PREP: variants seen among roughly 807,000 people sequenced by gnomAD.
The protein encoded by PREP is prolyl endopeptidase, also known as dJ355L5.1 (prolyl endopeptidase).
PREP carries 29 observed loss-of-function variants against 87.6 expected under a neutral mutation model. The observed-to-expected ratio is 0.33, with a 90% confidence interval of 0.25 to 0.45. The LOEUF is 0.45. PREP is among the 20% of genes least tolerant of loss of function. The pLI, the probability that PREP is intolerant of heterozygous loss-of-function variation, is 1.00. For missense variants in PREP, 695 were observed against 886.5 expected (o/e 0.78, Z 2.74); for synonymous variants, 337 against 328.6 (o/e 1.03, Z -0.28).
chr6:105,306,380 T>G (rs927576349), intron 10 of PREP, among the ~76,000 whole-genome samples: 3 of 152,092 alleles, frequency 2.0e-5, no homozygotes, highest in African/African-American at 7.2e-5. Flanking sequence ...GCATTTCCAG[T>G]AATATTTCTA....
intron 2 of PREP, among the ~76,000 whole-genome samples, chr6:105,382,748 C>G (rs889274935): frequency 1.3e-4 from 20 of 152,294 alleles, no homozygotes; most frequent in African/African-American, 4.8e-4. Flanking sequence ...CATTGGCAGG[C>G]AGGCAAGACG....
intron 10 of PREP, among the ~76,000 whole-genome samples, chr6:105,314,788 C>T (rs892063129): frequency 2.6e-5 from 4 of 152,168 alleles, no homozygotes; most frequent in African/African-American, 9.7e-5. Flanking sequence ...CATAAATGTT[C>T]CTCATGGCAT....
intron 7 of PREP, among the ~76,000 whole-genome samples, chr6:105,349,863 T>C (rs1316231325): frequency 7.1e-6 from 1 of 140,976 alleles, no homozygotes; most frequent in Non-Finnish European, 1.5e-5. Context: ...ATTCTATTTT[T>C]AGTGTAAAGA....
chr6:105,278,816 C>T lies in PREP; in HGVS notation c.1839-378G>A, dbSNP rs568516775. Among the ~76,000 whole-genome samples, 1 of 152,214 alleles carries T rather than the reference C, an allele frequency of 6.6e-6. No homozygotes were observed. Among genetic ancestry groups the T allele is most frequent in the East Asian group, 1.9e-4 (1 of 5,176 alleles). ...CCACACTCAGTGGTTCAAAAAAAGTCCAAGCCTTTCTTTTGTTGAGAAACT... is the reference window on the plus strand; with the variant it reads ...CCACACTCAGTGGTTCAAAAAAAGTTCAAGCCTTTCTTTTGTTGAGAAACT... On this transcript the variant is annotated intron_variant, in intron 14 of 14. Coordinates refer to ENST00000652536, the MANE Select transcript of PREP (RefSeq NM_002726.5). This position sits in a 1 kb window ranked among gnomAD's most constrained non-coding sequence, Gnocchi z 4.2.
intron 2 of PREP, among the ~76,000 whole-genome samples, chr6:105,387,807 G>C (rs1448507605): frequency 6.6e-6 from 1 of 152,136 alleles, no homozygotes; most frequent in East Asian, 1.9e-4. Flanking sequence ...CCTCCTTTCT[G>C]CTCCAATCTC....
At chr6:105,339,545 T>G (rs1391876701) in intron 7 of PREP, among the ~76,000 whole-genome samples, 1 of 151,948 alleles carries the variant, frequency 6.6e-6, no homozygotes, top group Non-Finnish European at 1.5e-5. Flanking sequence ...CTTTGACGAG[T>G]TGAGAGCAGA....
At position 105,394,532 on chromosome 6, in the gene PREP, C is replaced by T. The variant is rs191434259; in HGVS notation, c.120+3321G>A. On this transcript the variant is annotated intron_variant, in intron 2 of 14. Coordinates refer to ENST00000652536, the MANE Select transcript of PREP (RefSeq NM_002726.5). ...GATAGAAGAGAAAATAGAATTATCA[C>T]TAAATTTGATTATATGTTATATGAT... is the stretch of plus-strand genomic sequence containing the variant. Among the ~76,000 whole-genome samples the T allele has an allele frequency of 2.0e-3, 302 of 152,144 alleles. 3 individuals carry two copies. Among genetic ancestry groups the T allele is most frequent in the African/African-American group, 6.8e-3 (284 of 41,508 alleles).
At chr6:105,351,984 T>G (rs1771967894) in intron 7 of PREP, among the ~76,000 whole-genome samples, 1 of 152,222 alleles carries the variant, frequency 6.6e-6, no homozygotes, top group Non-Finnish European at 1.5e-5. Context: ...AATGTTAGGA[T>G]GCAGATCTTG....
intron 2 of PREP, among the ~76,000 whole-genome samples, chr6:105,388,658 A>G (rs1773063418): frequency 6.6e-6 from 1 of 152,244 alleles, no homozygotes; most frequent in Non-Finnish European, 1.5e-5. Flanking sequence ...TAATAAAGCT[A>G]AACATTCCCA....
intron 10 of PREP, among the ~76,000 whole-genome samples, chr6:105,296,708 T>C (rs1770419945): frequency 6.6e-6 from 1 of 152,238 alleles, no homozygotes; most frequent in South Asian, 2.1e-4. Context: ...TCAATCCCTA[T>C]ATGGCAACTG....
At chr6:105,328,423 A>G (rs1287370307) in intron 9 of PREP, among the ~76,000 whole-genome samples, 2 of 151,914 alleles carry the variant, frequency 1.3e-5, no homozygotes, top group South Asian at 2.1e-4. Flanking sequence ...ATGCCCAGCT[A>G]ATTTTTGTAT....
At chr6:105,394,555 GA>G (rs1469542309) in intron 2 of PREP, among the ~76,000 whole-genome samples, 1 of 152,176 alleles carries the variant, frequency 6.6e-6, no homozygotes, top group East Asian at 1.9e-4. Context: ...TATGTTATAT[GA>G]TTATGTATCT....
intron 2 of PREP, among the ~76,000 whole-genome samples, chr6:105,383,971 G>A (rs542502461): frequency 6.6e-6 from 1 of 152,140 alleles, no homozygotes; most frequent in Admixed American, 6.5e-5. Flanking sequence ...GTATCAATGA[G>A]GAAATCCAAA....
chr6:105,380,338 A>AGGCCAGAC lies in PREP; in HGVS notation c.121-2827_121-2820dup, dbSNP rs143800149. Among the ~76,000 whole-genome samples, 409 of 152,322 alleles carry AGGCCAGAC rather than the reference A, an allele frequency of 2.7e-3. 13 individuals carry two copies. The East Asian group carries it at 0.068, about 25-fold the overall frequency. ...GGTGAGTGAGGCTGGGAATGAGCTG[A>AGGCCAGAC]GGCCAGACGACCAGACATGAGCTAC... On this transcript the variant is annotated intron_variant, in intron 2 of 14. Coordinates refer to ENST00000652536, the MANE Select transcript of PREP (RefSeq NM_002726.5).
intron 1 of PREP, among the ~76,000 whole-genome samples, chr6:105,402,611 C>T (rs765215381): frequency 7.2e-5 from 11 of 152,328 alleles, no homozygotes; most frequent in East Asian, 3.9e-4. Context: ...AGGAAGCGGC[C>T]GGGCGGCGCT....
Position 105,302,446 on chromosome 6 carries a change from G to A in PREP, c.1318-13552C>T, listed in dbSNP as rs1379610355. The A allele has an allele frequency of 1.6e-5, 4 of 250,584 alleles. No homozygotes were observed. The East Asian group carries it at 4.4e-4, about 28-fold the overall frequency. 15.5% of individuals were successfully genotyped at this position (250,584 alleles called of 1,614,324 possible). A position where few individuals can be genotyped will look rare whatever the true frequency, so the allele number is the denominator to read the frequency against. ...CGGCCAGCTCTCTTTTATTGACAAT[G>A]TGACGTTCAGGCGTTCACTGTGTAC... On this transcript the variant is annotated intron_variant, in intron 10 of 14. Transcript: ENST00000652536.
intron 8 of PREP, among the ~76,000 whole-genome samples, chr6:105,330,648 A>G (rs1056106894): frequency 2.0e-5 from 3 of 152,136 alleles, no homozygotes; most frequent in Admixed American, 2.0e-4. Context: ...TGCTGAACAG[A>G]CAAGCCTTTC....
chr6:105,360,057 GCCACTGTTCTT>G (rs1156917019), intron 6 of PREP, among the ~76,000 whole-genome samples: 130 of 152,262 alleles, frequency 8.5e-4, no homozygotes, highest in African/African-American at 2.9e-3. Flanking sequence ...ACAGCCCACG[GCCACTGTTCTT>G]CCACTCAGTG....
chr6:105,330,587 A>ACAC (rs1771301865), intron 8 of PREP, among the ~76,000 whole-genome samples: 1 of 152,120 alleles, frequency 6.6e-6, no homozygotes, highest in Non-Finnish European at 1.5e-5. Context: ...AGAGGGAGAG[A>ACAC]CACCGCAGCA....
Sources: allele counts gnomAD v4.1 joint callset (sites outside exome capture counted in the v4.1 genomes callset), GRCh38; gene constraint gnomAD v4.1.1; non-coding constraint Gnocchi (gnomAD v3.1); transcripts MANE v1.5; gene names NCBI Gene and HGNC (gene_info 2026-07-23, HGNC 2026-07-21).